NRAP: variants seen among roughly 807,000 people sequenced by gnomAD.
NRAP encodes nebulin-related-anchoring protein.
NRAP carries 189 observed loss-of-function variants against 225.9 expected under a neutral mutation model. The observed-to-expected ratio is 0.84, with a 90% confidence interval of 0.74 to 0.94. The LOEUF (loss-of-function observed/expected upper bound fraction) is 0.94. NRAP is among the 40% of genes least tolerant of loss of function. The pLI, the probability that NRAP is intolerant of heterozygous loss-of-function variation, is 0.00. For synonymous variants in NRAP, 769 were observed against 790.7 expected (o/e 0.97, Z 0.46); for missense variants, 2,176 against 2,168.7 (o/e 1.00, Z -0.07).
intron 35 of NRAP, among the ~76,000 whole-genome samples, chr10:113,601,283 C>A (rs1394913045): frequency 3.3e-5 from 5 of 152,238 alleles, no homozygotes; most frequent in African/African-American, 1.2e-4. Context: ...AGCTTTCTCT[C>A]TGGCCTGGGG....
At chr10:113,599,436 T>G (rs1190278952) in intron 35 of NRAP, among the ~76,000 whole-genome samples, 2 of 152,200 alleles carry the variant, frequency 1.3e-5, no homozygotes, top group Non-Finnish European at 2.9e-5. Flanking sequence ...GAAAATTGGA[T>G]AAATTTCTAA....
chr10:113,604,245 T>C (rs560018271), intron 35 of NRAP, among the ~76,000 whole-genome samples: 3 of 152,230 alleles, frequency 2.0e-5, no homozygotes, highest in South Asian at 4.2e-4. Flanking sequence ...GCCTCCCAAA[T>C]AGCTGGGACT....
chr10:113,603,063 TG>T (rs751446820), intron 35 of NRAP, among the ~76,000 whole-genome samples: 1 of 152,194 alleles, frequency 6.6e-6, no homozygotes, highest in Non-Finnish European at 1.5e-5. Flanking sequence ...CACAGATGGC[TG>T]GTTATGTTCT....
At chr10:113,648,536 A>C (rs1452316278) in intron 9 of NRAP, among the ~76,000 whole-genome samples, 1 of 148,980 alleles carries the variant, frequency 6.7e-6, no homozygotes, top group African/African-American at 2.5e-5. Context: ...CCTGTTGATT[A>C]CATGGTATAA....
chr10:113,635,314 C>A (rs1035570080), intron 14 of NRAP, among the ~76,000 whole-genome samples: 1 of 152,184 alleles, frequency 6.6e-6, no homozygotes, highest in Admixed American at 6.5e-5. Flanking sequence ...AGGCGTGAGG[C>A]ACTAAGGTGA....
chr10:113,619,989 C>T (rs1012146434), intron 25 of NRAP, among the ~76,000 whole-genome samples: 7 of 152,204 alleles, frequency 4.6e-5, no homozygotes, highest in East Asian at 3.9e-4. Context: ...GATAACCCCA[C>T]GACAAAGAAA....
intron 32 of NRAP, among the ~76,000 whole-genome samples, chr10:113,607,888 T>C (rs1166888917): frequency 1.3e-5 from 2 of 152,352 alleles, no homozygotes; most frequent in East Asian, 1.9e-4. Context: ...GCTGGATACA[T>C]GAAAGTGTAA....
chr10:113,633,225 T>C (rs1405757739), intron 15 of NRAP, 37 bp from the exon 16 acceptor site: 4 of 1,226,902 alleles, frequency 3.3e-6, no homozygotes, highest in East Asian at 2.3e-5. Flanking sequence ...GGTTTTTATA[T>C]GGGCAGAAAG....
At position 113,650,676 on chromosome 10, in the gene NRAP, A is replaced by G. The variant is rs1486703130; in HGVS notation, c.676-131T>C. On this transcript the variant is annotated intron_variant, in intron 7 of 41. Coordinates refer to ENST00000359988, the MANE Select transcript of NRAP (RefSeq NM_198060.4). ...CTCATAAGGCACATAATTGGCTTAC[A>G]GTTTGATGGGCCATGTGCATCTTAT... 1.0e-5 allele frequency: 7 copies of G among 676,272 alleles called. No homozygotes were observed. The African/African-American group carries it at 1.2e-4, about 12-fold the overall frequency. The allele number at this position is 676,272 out of a possible 1,614,324, so 41.9% of individuals were successfully genotyped here. A position where few individuals can be genotyped will look rare whatever the true frequency, so the allele number is the denominator to read the frequency against.
At chr10:113,597,303 G>T in intron 36 of NRAP, 119 bp from the exon 37 acceptor site, 2 of 696,444 alleles carry the variant, frequency 2.9e-6, no homozygotes, top group South Asian at 1.7e-5. Flanking sequence ...TGGAAAACAA[G>T]CCTTTCTTCT....
At chr10:113,604,500 TA>T (rs1175420346) in intron 35 of NRAP, 108 bp downstream of exon 35, 18 of 852,466 alleles carry the variant, frequency 2.1e-5, no homozygotes, top group Non-Finnish European at 2.9e-5. Flanking sequence ...GGAAGGCAGA[TA>T]GGGGCAGGAG....
intron 31 of NRAP, among the ~76,000 whole-genome samples, chr10:113,609,438 A>AC (rs1479815682): frequency 1.3e-5 from 2 of 152,150 alleles, no homozygotes; most frequent in Non-Finnish European, 2.9e-5. Flanking sequence ...AACACCTATT[A>AC]CTTCCAGTAC....
intron 19 of NRAP, 143 bp from the exon 20 acceptor site, chr10:113,629,164 C>G: frequency 1.5e-6 from 1 of 688,364 alleles, no homozygotes; most frequent in Non-Finnish European, 2.6e-6. Flanking sequence ...AGGCAGATCT[C>G]CACTTGGGAG....
chr10:113,644,147 C>CAA lies in NRAP; in HGVS notation c.1111-1111_1111-1110dup, dbSNP rs60015356. Among the ~76,000 whole-genome samples the CAA allele has an allele frequency of 6.0e-4, 29 of 47,954 alleles. 5 individuals carry two copies. Among genetic ancestry groups the CAA allele is most frequent in the Non-Finnish European group, 6.6e-4 (18 of 27,282 alleles). The allele number at this position is 47,954 out of a possible 152,430, so 31.5% of individuals were successfully genotyped here. A position where few individuals can be genotyped will look rare whatever the true frequency, so the allele number is the denominator to read the frequency against. On this transcript the variant is annotated intron_variant, in intron 11 of 41. Transcript: ENST00000359988. ...GGCCAACAAGAGTGAAACTCCCTCT[C>CAA]AAAAAAAAAAAAAAAAAAAAAAGGC... is the stretch of plus-strand genomic sequence containing the variant.
At chr10:113,609,694 AT>A (rs1847209501) in intron 31 of NRAP, among the ~76,000 whole-genome samples, 1 of 152,166 alleles carries the variant, frequency 6.6e-6, no homozygotes, top group Non-Finnish European at 1.5e-5. Context: ...GAGTATACCC[AT>A]TTGACTAATT....
chr10:113,662,815 T>A (rs746740291), intron 2 of NRAP, 49 bp from the exon 3 acceptor site: 1 of 847,502 alleles, frequency 1.2e-6, no homozygotes, highest in East Asian at 2.6e-5. Flanking sequence ...TTTATCCAAA[T>A]GATTGAGGGA....
intron 23 of NRAP, 123 bp downstream of exon 23, chr10:113,623,406 A>G (rs2133991737): frequency 6.9e-6 from 4 of 579,464 alleles, no homozygotes; most frequent in East Asian, 2.8e-5. Flanking sequence ...TATCATCTCC[A>G]TTTTACAGAT....
intron 21 of NRAP, among the ~76,000 whole-genome samples, 189 bp from the exon 22 acceptor site, chr10:113,625,119 G>A (rs1472806762): frequency 1.3e-5 from 2 of 152,122 alleles, no homozygotes; most frequent in Non-Finnish European, 2.9e-5. Flanking sequence ...GAGAAGCAGT[G>A]GGGAGGAGCT....
intron 36 of NRAP, among the ~76,000 whole-genome samples, 195 bp from the exon 37 acceptor site, chr10:113,597,379 C>T (rs1223317280): frequency 6.6e-6 from 1 of 152,066 alleles, no homozygotes; most frequent in Non-Finnish European, 1.5e-5. Context: ...GAACATTTTA[C>T]AGGTATTTAC....
Sources: allele counts gnomAD v4.1 joint callset (sites outside exome capture counted in the v4.1 genomes callset), GRCh38; gene constraint gnomAD v4.1.1; transcripts MANE v1.5; gene names NCBI Gene and HGNC (gene_info 2026-07-23, HGNC 2026-07-21).